The following NTM variants were observed in gnomAD, a reference collection of about 807,000 sequenced individuals.
The protein encoded by NTM is neurotrimin, also known as IgLON family member 2.
Under a neutral mutation model 42.1 loss-of-function variants are expected in NTM, and 13 were observed. The observed-to-expected ratio is 0.31, with a 90% confidence interval of 0.20 to 0.49. NTM has a LOEUF of 0.49. Ranked by LOEUF, NTM falls within the 20% of genes least tolerant of loss-of-function variation. The probability of loss-of-function intolerance (pLI) is 0.99; values close to 1 mark genes in which losing one functional copy is unlikely to be tolerated. For synonymous variants in NTM, 187 were observed against 179.2 expected (o/e 1.04, Z -0.35); for missense variants, 373 against 452.8 (o/e 0.82, Z 1.60).
intron 1 of NTM, among the ~76,000 whole-genome samples, chr11:131,447,550 G>C (rs1037867698): frequency 6.6e-6 from 1 of 152,158 alleles, no homozygotes; most frequent in Non-Finnish European, 1.5e-5. Flanking sequence ...GGCAGCTCTC[G>C]GGAGAGGGAG....
At chr11:131,715,248 T>A (rs2077568509) in intron 1 of NTM, among the ~76,000 whole-genome samples, 1 of 152,220 alleles carries the variant, frequency 6.6e-6, no homozygotes, top group Non-Finnish European at 1.5e-5. Context: ...AGCTACAGAA[T>A]TACTATTCCT....
chr11:131,984,631 G>T (rs1304023539), intron 2 of NTM: 1 of 152,218 alleles, frequency 6.6e-6, no homozygotes, highest in East Asian at 1.9e-4. Context: ...GTGAGTGCAT[G>T]TTGGGGTGTT....
intron 4 of NTM, among the ~76,000 whole-genome samples, chr11:132,212,404 G>A (rs771485160): frequency 2.6e-5 from 4 of 152,172 alleles, no homozygotes; most frequent in Non-Finnish European, 4.4e-5. Context: ...GGGTGAAATG[G>A]TGGTAAGGTG....
At chr11:131,917,225 C>A (rs531655107) in intron 2 of NTM, among the ~76,000 whole-genome samples, 2 of 152,336 alleles carry the variant, frequency 1.3e-5, no homozygotes, top group South Asian at 4.1e-4. Flanking sequence ...TGAATGACTG[C>A]AGGAATGAAG....
chr11:131,674,126 C>A (rs943778996), intron 1 of NTM, among the ~76,000 whole-genome samples: 13 of 152,234 alleles, frequency 8.5e-5, no homozygotes, highest in African/African-American at 3.1e-4. Context: ...AGGGTCCTAG[C>A]ACGGGGTGCG....
chr11:132,105,448 A>G (rs1309007703), intron 2 of NTM, among the ~76,000 whole-genome samples: 1 of 152,174 alleles, frequency 6.6e-6, no homozygotes, highest in African/African-American at 2.4e-5. Context: ...GAGAAATCAA[A>G]AGAAAGGGAA....
At chr11:132,319,893 C>G (rs774165970) in intron 7 of NTM, among the ~76,000 whole-genome samples, 30 of 152,190 alleles carry the variant, frequency 2.0e-4, no homozygotes, top group Non-Finnish European at 3.8e-4. Flanking sequence ...ACACCTCACA[C>G]AGCCGGGTAC....
At chr11:131,385,077 C>A (rs1356412834) in intron 1 of NTM, among the ~76,000 whole-genome samples, 1 of 152,208 alleles carries the variant, frequency 6.6e-6, no homozygotes. Flanking sequence ...TCCTGGAGGC[C>A]ATCATGTGGC....
chr11:131,707,093 A>T (rs905477589), intron 1 of NTM, among the ~76,000 whole-genome samples: 1 of 152,160 alleles, frequency 6.6e-6, no homozygotes, highest in South Asian at 2.1e-4. Context: ...TCTTCTGTGT[A>T]AATGAAATAT....
At chr11:132,025,822 C>T (rs758340071) in intron 2 of NTM, among the ~76,000 whole-genome samples, 2 of 152,220 alleles carry the variant, frequency 1.3e-5, no homozygotes, top group African/African-American at 4.8e-5. Context: ...TTGGCACTTA[C>T]TAATCACTCA....
intron 1 of NTM, among the ~76,000 whole-genome samples, chr11:131,548,724 A>C (rs1041326199): frequency 1.3e-5 from 2 of 152,106 alleles, no homozygotes; most frequent in African/African-American, 4.8e-5. Context: ...TATCAAATGC[A>C]CCCATTGCCT....
intron 1 of NTM, among the ~76,000 whole-genome samples, chr11:131,830,114 T>C (rs2042630680): frequency 6.6e-6 from 1 of 152,190 alleles, no homozygotes; most frequent in Non-Finnish European, 1.5e-5. Flanking sequence ...AAATATTTTC[T>C]CCCAGTCTAT....
intron 2 of NTM, among the ~76,000 whole-genome samples, chr11:132,041,115 G>A (rs763462004): frequency 6.6e-6 from 1 of 152,008 alleles, no homozygotes; most frequent in Non-Finnish European, 1.5e-5. Flanking sequence ...ACATTTTTCT[G>A]GATTGGAAGC....
intron 2 of NTM, among the ~76,000 whole-genome samples, chr11:131,972,665 T>C (rs2063727995): frequency 6.6e-6 from 1 of 152,154 alleles, no homozygotes. Context: ...TGCTTTTCTG[T>C]TCATCTGTGC....
intron 2 of NTM, among the ~76,000 whole-genome samples, chr11:132,091,605 C>T (rs980391734): frequency 8.0e-5 from 12 of 150,530 alleles, no homozygotes; most frequent in East Asian, 8.0e-4. Context: ...CTCAGCCTCC[C>T]GAGTAGCTGG....
intron 1 of NTM, among the ~76,000 whole-genome samples, chr11:131,789,469 GAAGAAGAAGAAGAAGAAGAAGAGGAAA>G (rs2089973951): frequency 7.7e-5 from 1 of 13,066 alleles, no homozygotes; most frequent in Non-Finnish European, 1.5e-4. Flanking sequence ...AGAAGAAGAA[GAAGAAGAAGAAGAAGAAGAAGAGGAAA>G]GAAGAAGAAG....
intron 1 of NTM, among the ~76,000 whole-genome samples, chr11:131,549,544 A>G (rs965863223): frequency 1.3e-5 from 2 of 152,208 alleles, no homozygotes; most frequent in African/African-American, 4.8e-5. Flanking sequence ...AGTAATGATT[A>G]TATCTTTAAT....
intron 1 of NTM, among the ~76,000 whole-genome samples, chr11:131,491,624 A>AACTCC (rs1303813834): frequency 6.6e-4 from 101 of 152,306 alleles, no homozygotes; most frequent in Middle Eastern, 6.8e-3. Flanking sequence ...TTAACTAATA[A>AACTCC]AGTACTGGAG....
chr11:132,214,030 G>A (rs963526259), intron 4 of NTM, among the ~76,000 whole-genome samples: 3 of 61,458 alleles, frequency 4.9e-5, no homozygotes, highest in East Asian at 2.3e-4. Flanking sequence ...CACCGCGCCC[G>A]GCGGGCCACC....
Sources: allele counts gnomAD v4.1 joint callset (sites outside exome capture counted in the v4.1 genomes callset), GRCh38; gene constraint gnomAD v4.1.1; transcripts MANE v1.5; gene names NCBI Gene and HGNC (gene_info 2026-07-23, HGNC 2026-07-21).